Variants in TIAM1 observed in about 807,000 individuals in gnomAD.
TIAM1 encodes rho guanine nucleotide exchange factor TIAM1.
Under a neutral mutation model 163.5 loss-of-function variants are expected in TIAM1, and 65 were observed. The observed-to-expected ratio is 0.40, with a 90% confidence interval of 0.33 to 0.49. The LOEUF (loss-of-function observed/expected upper bound fraction) is 0.49. Among genes scored for constraint, TIAM1 ranks in the 20% least tolerant of loss-of-function variants. The pLI, the probability that TIAM1 is intolerant of heterozygous loss-of-function variation, is 0.77. For synonymous variants in TIAM1, 833 were observed against 810.1 expected, an observed-to-expected ratio of 1.03 and a Z score of -0.48; for missense variants, 1,789 against 2,044.7, an observed-to-expected ratio of 0.87 and a Z score of 2.41.
intron 5 of TIAM1, among the ~76,000 whole-genome samples, chr21:31,247,695 T>G (rs2071580714): frequency 6.6e-6 from 1 of 152,162 alleles, no homozygotes; most frequent in South Asian, 2.1e-4. Context: ...CACACCAAGC[T>G]AATTTCTTTT....
chr21:31,228,213 CT>C (rs1224052189), intron 6 of TIAM1, among the ~76,000 whole-genome samples: 461 of 22,214 alleles, frequency 0.021, 11 homozygotes, highest in Non-Finnish European at 0.024. Context: ...GCCCGGCCTC[CT>C]TTTTTTAAAA....
chr21:31,285,077 G>C (rs145481703), intron 2 of TIAM1, among the ~76,000 whole-genome samples: 2 of 152,294 alleles, frequency 1.3e-5, no homozygotes, highest in Non-Finnish European at 2.9e-5. Flanking sequence ...ATGCAGCCAA[G>C]AGGAAAGTCT....
At chr21:31,306,463 A>C (rs1291481243) in intron 2 of TIAM1, among the ~76,000 whole-genome samples, 1 of 152,186 alleles carries the variant, frequency 6.6e-6, no homozygotes, top group Non-Finnish European at 1.5e-5. Context: ...CTTCACAAAG[A>C]GGAAAATAAT....
At chr21:31,238,003 C>A (rs916648016) in intron 6 of TIAM1, among the ~76,000 whole-genome samples, 2 of 152,192 alleles carry the variant, frequency 1.3e-5, no homozygotes, top group African/African-American at 2.4e-5. Flanking sequence ...TCCAACATTC[C>A]TGCTCATTCC....
At chr21:31,171,853 A>G (rs1335000431) in intron 15 of TIAM1, among the ~76,000 whole-genome samples, 1 of 152,186 alleles carries the variant, frequency 6.6e-6, no homozygotes, top group Admixed American at 6.5e-5. Flanking sequence ...CTAACCTCCC[A>G]TGAGAGACCC....
At chr21:31,210,800 A>AAGAAAGAAAGAAAG (rs1569034861) in intron 10 of TIAM1, among the ~76,000 whole-genome samples, 26 of 142,792 alleles carry the variant, frequency 1.8e-4, no homozygotes, top group African/African-American at 7.3e-4. Context: ...GAAAGAAAGA[A>AAGAAAGAAAGAAAG]AGAAAGAAAG....
chr21:31,442,342 C>T (rs1463729050), intron 2 of TIAM1, among the ~76,000 whole-genome samples: 1 of 148,786 alleles, frequency 6.7e-6, no homozygotes, highest in Non-Finnish European at 1.5e-5. Flanking sequence ...AAGTGATTCT[C>T]CCACCTCAGC....
intron 4 of TIAM1, among the ~76,000 whole-genome samples, chr21:31,264,027 T>C (rs561374263): frequency 1.3e-5 from 2 of 152,240 alleles, no homozygotes; most frequent in South Asian, 4.2e-4. Flanking sequence ...AAGAGATGGG[T>C]TTAAAATTCA....
intron 2 of TIAM1, among the ~76,000 whole-genome samples, chr21:31,406,467 C>T (rs569073357): frequency 8.5e-5 from 13 of 152,086 alleles, no homozygotes; most frequent in Admixed American, 7.2e-4. Context: ...TTATAATTCT[C>T]GGGAAGATTA....
At chr21:31,350,516 ATG>A (rs2076217312) in intron 2 of TIAM1, among the ~76,000 whole-genome samples, 1 of 152,154 alleles carries the variant, frequency 6.6e-6, no homozygotes, top group African/African-American at 2.4e-5. Flanking sequence ...TGGATTTCTC[ATG>A]TAGAGTTGAG....
intron 4 of TIAM1, among the ~76,000 whole-genome samples, chr21:31,260,693 G>GAGAAA (rs2072413818): frequency 1.7e-5 from 1 of 59,334 alleles, no homozygotes; most frequent in African/African-American, 5.8e-5. Context: ...GAAAGATAAA[G>GAGAAA]AGAAAAGAAA....
intron 2 of TIAM1, among the ~76,000 whole-genome samples, chr21:31,401,480 T>C (rs909748692): frequency 2.0e-4 from 31 of 152,322 alleles, no homozygotes; most frequent in African/African-American, 7.5e-4. Flanking sequence ...TATTGGGATA[T>C]GGCAGCCATG....
chr21:31,302,032 T>C (rs752792857), intron 2 of TIAM1, among the ~76,000 whole-genome samples: 13 of 151,686 alleles, frequency 8.6e-5, no homozygotes, highest in Non-Finnish European at 1.6e-4. Flanking sequence ...TAGCCTGCAA[T>C]GCTATCCAGA....
chr21:31,334,206 T>G (rs112773758), intron 2 of TIAM1, among the ~76,000 whole-genome samples: 1 of 152,124 alleles, frequency 6.6e-6, no homozygotes, highest in Non-Finnish European at 1.5e-5. Context: ...ATGTCAACTC[T>G]TGTGCTTTCT....
Position 31,217,436 on chromosome 21 carries a change from C to T in TIAM1, c.2142+117G>A, listed in dbSNP as rs1447231872. The T allele has an allele frequency of 4.3e-6, 6 of 1,395,838 alleles. No individual in the cohort carries two copies. The East Asian group carries it at 6.9e-5, about 16-fold the overall frequency. The allele number at this position is 1,395,838 out of a possible 1,614,324, so 86.5% of individuals were successfully genotyped here. On this transcript the variant is annotated intron_variant, in intron 9 of 27. Coordinates refer to ENST00000541036, the MANE Select transcript of TIAM1 (RefSeq NM_001353694.2). ...GTCTAGCACAGCTAGTTTCTTTGTG[C>T]CAACTAGTTGATTTTAAATAACACT...
intron 1 of TIAM1, among the ~76,000 whole-genome samples, chr21:31,544,739 C>T (rs923795320): frequency 6.6e-6 from 1 of 150,872 alleles, no homozygotes; most frequent in South Asian, 2.1e-4. Context: ...CCTGGCCAGG[C>T]ACGGTGGCTC....
chr21:31,177,854 CAGCAGCCAGGT>C (rs757694439), intron 15 of TIAM1, among the ~76,000 whole-genome samples: 1 of 152,190 alleles, frequency 6.6e-6, no homozygotes, highest in Admixed American at 6.5e-5. Flanking sequence ...GACAAGCCTC[CAGCAGCCAGGT>C]AGCAGCCAGC....
intron 2 of TIAM1, among the ~76,000 whole-genome samples, chr21:31,459,713 A>G (rs1050310810): frequency 7.9e-5 from 12 of 152,268 alleles, no homozygotes; most frequent in Middle Eastern, 3.4e-3. Flanking sequence ...GGTGGTGAAG[A>G]GCACCCACCA....
chr21:31,175,013 G>A (rs1406131918), intron 15 of TIAM1, among the ~76,000 whole-genome samples: 1 of 152,150 alleles, frequency 6.6e-6, no homozygotes, highest in Non-Finnish European at 1.5e-5. Context: ...TATGATCAAG[G>A]ATCTCTGCAG....
Sources: gnomAD v4.1 joint callset for allele counts (sites outside exome capture counted in the v4.1 genomes callset) on GRCh38, gnomAD v4.1.1 for gene constraint, MANE v1.5 for transcripts, NCBI Gene and HGNC (gene_info 2026-07-23, HGNC 2026-07-21) for gene names.